The following AP1G1 variants were observed in gnomAD, a reference collection of about 807,000 sequenced individuals.
AP1G1 encodes the protein AP-1 complex subunit gamma-1.
Under a neutral mutation model 108.3 loss-of-function variants are expected in AP1G1, and 7 were observed. That is an observed-to-expected ratio of 0.06 (90% CI 0.04 to 0.12). AP1G1 has a LOEUF of 0.12. Ranked by LOEUF, AP1G1 falls within the 10% of genes least tolerant of loss-of-function variation. AP1G1 has a pLI of 1.00. For synonymous variants in AP1G1, 379 were observed against 353.5 expected, an observed-to-expected ratio of 1.07 and a Z score of -0.81; for missense variants, 756 against 1,010.7, an observed-to-expected ratio of 0.75 and a Z score of 3.42.
rs188912472 is a variant in AP1G1, at chr16:71,789,550, C to A, written c.-3-68G>T. 25 of 1,469,014 alleles carry A rather than the reference C, an allele frequency of 1.7e-5. 1 individual carries two copies. The East Asian group carries it at 5.5e-4, about 32-fold the overall frequency. The allele number at this position is 1,469,014 out of a possible 1,614,324, so 91.0% of individuals were successfully genotyped here. ...ACTACCAAAGCTATTCACACAACTT[C>A]CCATTTAAATTTTTGACTAGTTTTT... On this transcript the variant is annotated intron_variant, in intron 1 of 22. Transcript: ENST00000299980.
rs749676342 is a variant in AP1G1, at chr16:71,774,512, A to G, written c.282T>C (p.Asp94=). The change falls in exon 3 of 23, where the codon GAT becomes GAC. Residue 94 remains aspartate, a synonymous_variant. Coordinates refer to ENST00000299980, the MANE Select transcript of AP1G1 (RefSeq NM_001128.6). ...IGYLGAMLLL[D]ERQDVHLLMT... ...TGAGAAGATGGACATCTTGTCTTTC[A>G]TCTAACAGCAGCATTGCCCCTAAAT... The G allele has an allele frequency of 2.3e-5, 37 of 1,609,080 alleles. 2 individuals carry two copies. The South Asian group carries it at 3.6e-4, about 15-fold the overall frequency.
chr16:71,772,207 T>C (rs1276863194), intron 4 of AP1G1, among the ~76,000 whole-genome samples: 2 of 151,924 alleles, frequency 1.3e-5, no homozygotes, highest in African/African-American at 2.4e-5. Context: ...GTCGGCTCAC[T>C]GCAAGCTCCG....
At chr16:71,806,373 G>C (rs1001753090) in intron 1 of AP1G1, among the ~76,000 whole-genome samples, 2 of 152,176 alleles carry the variant, frequency 1.3e-5, no homozygotes, top group African/African-American at 4.8e-5. Context: ...TACAGTGAAT[G>C]CAAACTATCT....
At chr16:71,737,437 T>C (rs531260345) in intron 21 of AP1G1, among the ~76,000 whole-genome samples, 40 of 152,188 alleles carry the variant, frequency 2.6e-4, no homozygotes, top group African/African-American at 9.6e-4. Flanking sequence ...GCACGCACCA[T>C]TGCACCTGGC....
chr16:71,758,633 C>T, intron 11 of AP1G1, 175 bp downstream of exon 11: 1 of 606,916 alleles, frequency 1.6e-6, no homozygotes, highest in Non-Finnish European at 3.0e-6. Context: ...CCAATCCTTT[C>T]TAAAAAAAGG....
At chr16:71,765,210 T>C (rs1330996499) in intron 7 of AP1G1, among the ~76,000 whole-genome samples, 2 of 152,096 alleles carry the variant, frequency 1.3e-5, no homozygotes, top group African/African-American at 2.4e-5. Context: ...CATGGTGGCA[T>C]GCACCTGAAA....
In AP1G1 at chr16:71,730,512, C is replaced by A. The variant is rs113831755; in HGVS notation, c.*2546G>T. 2.6e-5 allele frequency: 4 copies of A among 152,418 alleles called. No individual in the cohort carries two copies. The highest frequency in any genetic ancestry group is 4.4e-5 in the Non-Finnish European group (3 of 68,016). The allele number at this position is 152,418 out of a possible 1,614,324, so 9.4% of individuals were successfully genotyped here. On this transcript the variant is annotated 3_prime_UTR_variant, in exon 23 of 23. Transcript: ENST00000299980. ...TTGCTCCCCCTTGAGTGGTTATACT[C>A]GGGAAAGGAATTATTGAAATGTGCA...
At chr16:71,808,425 C>A (rs2033076223) in intron 1 of AP1G1, 2 of 1,156,154 alleles carry the variant, frequency 1.7e-6, no homozygotes, top group South Asian at 3.1e-5. Context: ...GTGGGGCCCG[C>A]CCCGCTAAAC....
intron 1 of AP1G1, among the ~76,000 whole-genome samples, chr16:71,804,408 A>ATTTT (rs71153664): frequency 3.2e-5 from 4 of 124,762 alleles, no homozygotes; most frequent in Admixed American, 8.7e-5. Context: ...TGCTCTCTTA[A>ATTTT]TTTTTTTTTT....
At chr16:71,747,266 AGAG>A (rs1006279286) in intron 16 of AP1G1, 4 of 152,268 alleles carry the variant, frequency 2.6e-5, no homozygotes, top group East Asian at 1.9e-4. Flanking sequence ...AAAAAAGCAA[AGAG>A]GAGAATTAAA....
intron 1 of AP1G1, among the ~76,000 whole-genome samples, chr16:71,801,935 A>G (rs1363723057): frequency 6.6e-6 from 1 of 151,884 alleles, no homozygotes; most frequent in African/African-American, 2.4e-5. Context: ...AAAAAAAAAA[A>G]AAAAAGAAAA....
Position 71,748,298 on chromosome 16 carries a change from G to A in AP1G1, c.1578C>T (p.Ala526=), listed in dbSNP as rs1186604559. ...NMSTSVTRGY[A]LTAIMKLSTR... ...TGGAAAGCTTCATAATGGCAGTGAG[G>A]GCATAACCTCGTGTCACAGAGGTGG... Residue 526 remains alanine, a synonymous_variant, in exon 16 of 23, where the codon GCC becomes GCT. Transcript: ENST00000299980. 6.2e-7 allele frequency: 1 copy of A among 1,613,826 alleles called. No homozygotes were observed. Among genetic ancestry groups the A allele is most frequent in the African/African-American group, 1.3e-5 (1 of 74,868 alleles).
At chr16:71,781,158 C>A (rs781160746) in intron 2 of AP1G1, among the ~76,000 whole-genome samples, 1 of 152,072 alleles carries the variant, frequency 6.6e-6, no homozygotes, top group Non-Finnish European at 1.5e-5. Context: ...CTGGTTTATA[C>A]ACACACACAC....
intron 2 of AP1G1, among the ~76,000 whole-genome samples, chr16:71,783,508 TAA>T (rs1158723934): frequency 1.3e-5 from 2 of 152,224 alleles, no homozygotes; most frequent in African/African-American, 2.4e-5. Context: ...AAAGATGTGT[TAA>T]GACTTAAAAA....
At chr16:71,745,379 C>A in intron 18 of AP1G1, 94 bp downstream of exon 18, 1 of 1,604,704 alleles carries the variant, frequency 6.2e-7, no homozygotes. Flanking sequence ...CATCAACCAA[C>A]CCAGGAACAT....
At chr16:71,778,228 G>C (rs1175502171) in intron 2 of AP1G1, among the ~76,000 whole-genome samples, 2 of 152,154 alleles carry the variant, frequency 1.3e-5, no homozygotes. Flanking sequence ...TCAAAAACAA[G>C]CATTTGCTTT....
At chr16:71,779,450 C>A (rs889611697) in intron 2 of AP1G1, among the ~76,000 whole-genome samples, 1 of 152,002 alleles carries the variant, frequency 6.6e-6, no homozygotes, top group Non-Finnish European at 1.5e-5. Context: ...AAGCAGTTCT[C>A]GTGCCTCAAC....
At chr16:71,788,735 A>G (rs532091057) in intron 2 of AP1G1, among the ~76,000 whole-genome samples, 3 of 151,742 alleles carry the variant, frequency 2.0e-5, no homozygotes, top group Non-Finnish European at 4.4e-5. Flanking sequence ...TCGTAGCTCA[A>G]TGAGGCCTCA....
At chr16:71,789,529 C>T (rs1439083805) in intron 1 of AP1G1, 47 bp from the exon 2 acceptor site, 2 of 1,551,368 alleles carry the variant, frequency 1.3e-6, no homozygotes, top group South Asian at 2.2e-5. Context: ...TTTTTTACTA[C>T]CAAAGCTATT....
Sources: gnomAD v4.1 joint callset for allele counts (sites outside exome capture counted in the v4.1 genomes callset) on GRCh38, gnomAD v4.1.1 for gene constraint, MANE v1.5 for transcripts, NCBI Gene and HGNC (gene_info 2026-07-23, HGNC 2026-07-21) for gene names.